Variants in SLC30A9 observed in about 807,000 individuals in gnomAD.
SLC30A9 encodes solute carrier family 30 member 9, also known as proton-coupled zinc antiporter SLC30A9, mitochondrial.
A neutral mutation model predicts 87.5 loss-of-function variants in SLC30A9; 58 were observed. That is an observed-to-expected ratio of 0.66 (90% CI 0.54 to 0.82). The LOEUF (loss-of-function observed/expected upper bound fraction) is 0.82. SLC30A9 is among the 40% of genes least tolerant of loss of function. The pLI is 0.00. For synonymous variants in SLC30A9, 234 were observed against 233.0 expected (o/e 1.00, Z -0.04); for missense variants, 557 against 679.1 (o/e 0.82, Z 2.00).
intron 1 of SLC30A9, among the ~76,000 whole-genome samples, chr4:41,994,812 C>G (rs1305030674): frequency 7.3e-6 from 1 of 136,734 alleles, no homozygotes; most frequent in African/African-American, 2.7e-5. Context: ...TGCTTGAACC[C>G]GTCAGATGTG....
At chr4:42,005,532 T>TC (rs776092572) in intron 2 of SLC30A9, among the ~76,000 whole-genome samples, 36 of 152,338 alleles carry the variant, frequency 2.4e-4, no homozygotes, top group Non-Finnish European at 4.7e-4. Context: ...TACCTCAGTG[T>TC]CCCCTGTTAG....
intron 17 of SLC30A9, among the ~76,000 whole-genome samples, chr4:42,085,519 A>G (rs1369757260): frequency 1.3e-5 from 2 of 152,236 alleles, no homozygotes; most frequent in Admixed American, 1.3e-4. Flanking sequence ...TACTTGATAC[A>G]TGAGTGAGTA....
At position 42,018,189 on chromosome 4, in the gene SLC30A9, AT is replaced by A. The variant is rs1715801472; in HGVS notation, c.334+24del. ...GTAAGAGGTAAATATATTTTATCCT[AT>A]TTTTGTATTATAAAGATGTTTTGAA... is the stretch of plus-strand genomic sequence containing the variant. On this transcript the variant is annotated intron_variant, in intron 3 of 17. Transcript: ENST00000264451. The A allele has an allele frequency of 2.9e-6, 4 of 1,389,744 alleles. No homozygotes were observed. The highest frequency in any genetic ancestry group is 1.8e-5 in the Admixed American group (1 of 55,368). 86.1% of individuals were successfully genotyped at this position (1,389,744 alleles called of 1,614,324 possible).
chr4:41,992,857 T>C (rs1231957822), intron 1 of SLC30A9, among the ~76,000 whole-genome samples: 3 of 152,160 alleles, frequency 2.0e-5, no homozygotes, highest in Non-Finnish European at 4.4e-5. Context: ...AGAAGACTAT[T>C]TGAAGAACTT....
intron 8 of SLC30A9, among the ~76,000 whole-genome samples, chr4:42,048,313 C>T (rs1282620911): frequency 5.3e-5 from 8 of 151,910 alleles, no homozygotes; most frequent in African/African-American, 9.7e-5. Context: ...TAAAATATTT[C>T]CAGGAATTTA....
In SLC30A9 at chr4:41,999,185, G is replaced by A. The variant is rs116566439; in HGVS notation, c.110-2431G>A. ...TGATATACACACAAATTAAAAATGTGTCACTATTACAGGACCTTGGGTAAT... is the reference window on the plus strand; with the variant it reads ...TGATATACACACAAATTAAAAATGTATCACTATTACAGGACCTTGGGTAAT... On this transcript the variant is annotated intron_variant, in intron 1 of 17. Coordinates refer to ENST00000264451, the MANE Select transcript of SLC30A9 (RefSeq NM_006345.4). Among the ~76,000 whole-genome samples the A allele has an allele frequency of 3.2e-3, 487 of 152,248 alleles. 2 individuals carry two copies. Among genetic ancestry groups the A allele is most frequent in the African/African-American group, 0.011 (466 of 41,538 alleles).
At chr4:42,085,472 CT>C (rs1718893082) in intron 17 of SLC30A9, among the ~76,000 whole-genome samples, 2 of 152,196 alleles carry the variant, frequency 1.3e-5, no homozygotes, top group Admixed American at 6.5e-5. Context: ...GGTTATGAGG[CT>C]TTTAAAACAC....
At chr4:42,041,308 C>T (rs748644102) in intron 8 of SLC30A9, among the ~76,000 whole-genome samples, 5 of 151,830 alleles carry the variant, frequency 3.3e-5, no homozygotes, top group Non-Finnish European at 2.9e-5. Context: ...TTTTGTGAGA[C>T]GGAATCTCAC....
At chr4:42,036,960 A>G (rs1463405545) in intron 7 of SLC30A9, among the ~76,000 whole-genome samples, 1 of 152,206 alleles carries the variant, frequency 6.6e-6, no homozygotes, top group Non-Finnish European at 1.5e-5. Flanking sequence ...CACATGGAGA[A>G]TCATCCTCAC....
chr4:42,085,257 A>G (rs932689101), intron 17 of SLC30A9, among the ~76,000 whole-genome samples: 4 of 152,320 alleles, frequency 2.6e-5, no homozygotes, highest in Non-Finnish European at 4.4e-5. Flanking sequence ...AGATCTCATG[A>G]GCAAAATGGC....
At chr4:42,041,209 G>A (rs183657575) in intron 8 of SLC30A9, among the ~76,000 whole-genome samples, 252 of 152,212 alleles carry the variant, frequency 1.7e-3, no homozygotes, top group African/African-American at 5.9e-3. Flanking sequence ...GGAATTATAG[G>A]AGCTACAAGA....
rs143491208 is a variant in SLC30A9, at chr4:42,036,982, A to G, written c.669+1649A>G. ...AGAATCATCCTCACCAGATTTTCTAATAGTAGCTGTTGACTTATGAAATCT... is the reference window on the plus strand; with the variant it reads ...AGAATCATCCTCACCAGATTTTCTAGTAGTAGCTGTTGACTTATGAAATCT... On this transcript the variant is annotated intron_variant, in intron 7 of 17. Transcript: ENST00000264451. 3.1e-3 allele frequency among the ~76,000 whole-genome samples: 478 copies of G among 152,304 alleles called. 4 individuals are homozygous for G. Among genetic ancestry groups the G allele is most frequent in the African/African-American group, 0.011 (449 of 41,570 alleles).
chr4:42,049,303 CA>C (rs1450924696), intron 8 of SLC30A9, 73 bp from the exon 9 acceptor site: 1 of 815,984 alleles, frequency 1.2e-6, no homozygotes, highest in African/African-American at 1.7e-5. Flanking sequence ...TAGAGATATA[CA>C]GCTGATTGAG....
intron 9 of SLC30A9, among the ~76,000 whole-genome samples, chr4:42,054,120 C>T (rs1351568412): frequency 5.9e-5 from 9 of 152,006 alleles, no homozygotes; most frequent in African/African-American, 9.7e-5. Context: ...ATTGGGAGGC[C>T]GAGGTGGGCG....
chr4:42,087,160 G>A lies in SLC30A9; in HGVS notation c.*1034G>A, dbSNP rs11051. ...CATACTGTGTCTGTGAGTTTCTTCA[G>A]TTACAAATGGGCATTTAGTATAGTT... On this transcript the variant is annotated 3_prime_UTR_variant, in exon 18 of 18. Coordinates refer to ENST00000264451, the MANE Select transcript of SLC30A9 (RefSeq NM_006345.4). 0.59 allele frequency: 90,326 copies of A among 152,004 alleles called. 32,710 individuals are homozygous for A. Among genetic ancestry groups the A allele is most frequent in the East Asian group, 0.95 (4,946 of 5,180 alleles). 9.4% of individuals were successfully genotyped at this position (152,004 alleles called of 1,614,324 possible). A position where few individuals can be genotyped will look rare whatever the true frequency, so the allele number is the denominator to read the frequency against.
At chr4:42,085,708 A>C (rs1219513883) in intron 17 of SLC30A9, among the ~76,000 whole-genome samples, 1 of 152,120 alleles carries the variant, frequency 6.6e-6, no homozygotes, top group Non-Finnish European at 1.5e-5. Context: ...GATTGTTGCT[A>C]AAGTATATAA....
chr4:42,078,418 G>A, intron 17 of SLC30A9, 93 bp downstream of exon 17: 2 of 671,770 alleles, frequency 3.0e-6, no homozygotes. Context: ...TCCATCACAT[G>A]CATGCTTTAA....
chr4:41,999,747 T>C (rs1029369548), intron 1 of SLC30A9, among the ~76,000 whole-genome samples: 1 of 151,920 alleles, frequency 6.6e-6, no homozygotes, highest in Admixed American at 6.5e-5. Context: ...AGTCCCAATA[T>C]GTGGACTTTA....
chr4:42,085,485 C>T (rs2153141810), intron 17 of SLC30A9, among the ~76,000 whole-genome samples: 1 of 152,342 alleles, frequency 6.6e-6, no homozygotes, highest in South Asian at 2.1e-4. Context: ...TTAAAACACA[C>T]ATACATGTGC....
Sources: gnomAD v4.1 joint callset for allele counts (sites outside exome capture counted in the v4.1 genomes callset) on GRCh38, gnomAD v4.1.1 for gene constraint, MANE v1.5 for transcripts, NCBI Gene and HGNC (gene_info 2026-07-23, HGNC 2026-07-21) for gene names.